The following BDH1 variants were observed in gnomAD, a reference collection of about 807,000 sequenced individuals.
BDH1 encodes the protein 3-hydroxybutyrate dehydrogenase 1.
In BDH1, 30 loss-of-function variants were observed where a neutral mutation model predicts 33.1. The observed-to-expected ratio is 0.91, with a 90% CI of 0.68 to 1.23. BDH1 has a LOEUF of 1.23. Among genes scored for constraint, BDH1 ranks in the 50% most tolerant of loss-of-function variants. The probability of loss-of-function intolerance (pLI) is 0.00; values close to 1 mark genes in which losing one functional copy is unlikely to be tolerated. For synonymous variants in BDH1, 190 were observed against 183.6 expected, an observed-to-expected ratio of 1.03 and a Z score of -0.28; for missense variants, 443 against 464.4, an observed-to-expected ratio of 0.95 and a Z score of 0.42.
In BDH1 at chr3:197,522,394, G is replaced by A. The variant is rs576533298; in HGVS notation, c.409+246C>T. Among the ~76,000 whole-genome samples the A allele has an allele frequency of 2.4e-4, 36 of 152,330 alleles. No individual in the cohort carries two copies. The highest frequency in any genetic ancestry group is 7.5e-4 in the African/African-American group (31 of 41,572). ...CAATGGGCATTGGCTGAACTGACCT[G>A]AATCAGTGCGTAGCCACCTAGCACT... On this transcript the variant is annotated intron_variant, in intron 6 of 7. Coordinates refer to ENST00000392379, the MANE Select transcript of BDH1 (RefSeq NM_203314.3). The surrounding 1 kb of genome is among the most constrained non-coding windows in gnomAD (Gnocchi z 4.8).
intron 6 of BDH1, chr3:197,515,626 T>C (rs1712621102): frequency 2.0e-6 from 2 of 985,434 alleles, no homozygotes; most frequent in Admixed American, 6.1e-5. Flanking sequence ...GCTCAACAAA[T>C]GTGTGTTAGA....
rs747305588 is a variant in BDH1 at position 197,511,866 on chromosome 3, A to G, written c.*29T>C. ...TCCCTCCCCTCCCCTTCCACCAGGG[A>G]TCCCTGACAGAGGCCACAGCGAGAC... On this transcript the variant is annotated 3_prime_UTR_variant, in exon 8 of 8. Transcript: ENST00000392379. 5.2e-6 allele frequency: 8 copies of G among 1,526,782 alleles called. No homozygotes were observed. Among genetic ancestry groups the G allele is most frequent in the South Asian group, 3.9e-5 (3 of 76,990 alleles). The allele number at this position is 1,526,782 out of a possible 1,614,324, so 94.6% of individuals were successfully genotyped here.
rs1199049882 is a variant in BDH1 at position 197,516,659 on chromosome 3, T to A, written c.410-2243A>T. Among the ~76,000 whole-genome samples the A allele has an allele frequency of 1.3e-5, 2 of 152,076 alleles. No individual in the cohort carries two copies. The highest frequency in any genetic ancestry group is 3.8e-4 in the East Asian group (2 of 5,200). On this transcript the variant is annotated intron_variant, in intron 6 of 7. Coordinates refer to ENST00000392379, the MANE Select transcript of BDH1 (RefSeq NM_203314.3). The surrounding 1 kb of genome is among the most constrained non-coding windows in gnomAD (Gnocchi z 4.2). ...CCTGAATGTCCCACGGGTCCCTGAC[T>A]CACCCTAACCACAACCAACACGTCA...
chr3:197,512,655 T>C (rs1560301083), intron 7 of BDH1, among the ~76,000 whole-genome samples: 1 of 152,150 alleles, frequency 6.6e-6, no homozygotes. Context: ...TCAAGCCCGA[T>C]GCGGTGATAA....
chr3:197,532,602 G>A (rs1202036710), intron 4 of BDH1, 80 bp from the exon 5 acceptor site: 1 of 976,902 alleles, frequency 1.0e-6, no homozygotes. Context: ...CCTCTGTGCA[G>A]TGAGAGTTAG....
intron 2 of BDH1, among the ~76,000 whole-genome samples, chr3:197,550,500 G>C (rs1030831919): frequency 2.0e-5 from 3 of 152,210 alleles, no homozygotes; most frequent in Non-Finnish European, 4.4e-5. Context: ...TGCAGCTGCA[G>C]AGACTATGCT....
In BDH1 at chr3:197,522,405, T is replaced by C. The variant is rs1417812289; in HGVS notation, c.409+235A>G. Among the ~76,000 whole-genome samples, 4 of 152,204 alleles carry C rather than the reference T, an allele frequency of 2.6e-5. No individual in the cohort carries two copies. Among genetic ancestry groups the C allele is most frequent in the Non-Finnish European group, 5.9e-5 (4 of 68,036 alleles). On this transcript the variant is annotated intron_variant, in intron 6 of 7. Coordinates refer to ENST00000392379, the MANE Select transcript of BDH1 (RefSeq NM_203314.3). The surrounding 1 kb of genome is among the most constrained non-coding windows in gnomAD (Gnocchi z 4.8). ...GGCTGAACTGACCTGAATCAGTGCGTAGCCACCTAGCACTCCGTGAACTCT... is the reference window on the plus strand; with the variant it reads ...GGCTGAACTGACCTGAATCAGTGCGCAGCCACCTAGCACTCCGTGAACTCT...
chr3:197,530,865 A>G (rs188630088), intron 5 of BDH1: 418 of 152,752 alleles, frequency 2.7e-3, no homozygotes, highest in South Asian at 9.3e-3. Flanking sequence ...TAACATGGGG[A>G]AAAATGAAGG....
chr3:197,516,759 TCCACCCCTCCC>T lies in BDH1; in HGVS notation c.410-2354_410-2344del, dbSNP rs1394726032. Among the ~76,000 whole-genome samples, 2 of 151,994 alleles carry T rather than the reference TCCACCCCTCCC, an allele frequency of 1.3e-5. No individual in the cohort carries two copies. The highest frequency in any genetic ancestry group is 2.9e-5 in the Non-Finnish European group (2 of 67,986). On this transcript the variant is annotated intron_variant, in intron 6 of 7. Transcript: ENST00000392379. This position sits in a 1 kb window ranked among gnomAD's most constrained non-coding sequence, Gnocchi z 4.2. Reference sequence around the variant, plus strand: ...TTTTGTCTGTGACTCCTCCAGCTCCTCCACCCCTCCCCCACCTACTGAGTCACCCAGTACTG... The same window carrying T: ...TTTTGTCTGTGACTCCTCCAGCTCCTCCACCTACTGAGTCACCCAGTACTG...
rs1376143733 is a variant in BDH1 at position 197,526,740 on chromosome 3, C to G, written c.268-3959G>C. 6.6e-6 allele frequency among the ~76,000 whole-genome samples: 1 copy of G among 152,228 alleles called. No homozygotes were observed. The highest frequency in any genetic ancestry group is 1.9e-4 in the East Asian group (1 of 5,204). On this transcript the variant is annotated intron_variant, in intron 5 of 7. Transcript: ENST00000392379. This position sits in a 1 kb window ranked among gnomAD's most constrained non-coding sequence, Gnocchi z 4.7. ...GGTAGAAGGATAGCCCTCTCCCGAC[C>G]AGCTCTCCGTGCTCCGCTCCCAGAC...
At chr3:197,513,224 G>A in intron 7 of BDH1, among the ~76,000 whole-genome samples, 1 of 152,264 alleles carries the variant, frequency 6.6e-6, no homozygotes, top group East Asian at 1.9e-4. Context: ...GAACAGAGGG[G>A]TTGGAAGTGG....
At chr3:197,550,467 C>A (rs1260994495) in intron 2 of BDH1, among the ~76,000 whole-genome samples, 1 of 152,190 alleles carries the variant, frequency 6.6e-6, no homozygotes, top group East Asian at 1.9e-4. Context: ...CAGACCTGCC[C>A]CTCCCTCATA....
intron 1 of BDH1, among the ~76,000 whole-genome samples, chr3:197,569,697 G>A (rs1448430646): frequency 6.6e-6 from 1 of 152,240 alleles, no homozygotes; most frequent in Non-Finnish European, 1.5e-5. Context: ...CTGCCACCAT[G>A]TAAGACGTGC....
upstream of BDH1, among the ~76,000 whole-genome samples, chr3:197,559,312 T>A (rs888068346): frequency 4.6e-5 from 7 of 152,184 alleles, no homozygotes; most frequent in Non-Finnish European, 8.8e-5. Context: ...AACTGAACTT[T>A]AATAATTGGA....
Position 197,533,677 on chromosome 3 carries a change from G to A in BDH1, c.84-116C>T, listed in dbSNP as rs1334340867. 6 of 972,228 alleles carry A rather than the reference G, an allele frequency of 6.2e-6. No homozygotes were observed. In the East Asian group the frequency reaches 1.6e-4, roughly 25 times the overall value. The allele number at this position is 972,228 out of a possible 1,614,324, so 60.2% of individuals were successfully genotyped here. A position where few individuals can be genotyped will look rare whatever the true frequency, so the allele number is the denominator to read the frequency against. ...CCCCGGCTCCTGGAGACAGCTTGCT[G>A]GTACAACTGAGTAAGAGGCCCTCTT... On this transcript the variant is annotated intron_variant, in intron 3 of 7. Coordinates refer to ENST00000392379, the MANE Select transcript of BDH1 (RefSeq NM_203314.3).
chr3:197,519,331 AG>A (rs917773903), intron 6 of BDH1, among the ~76,000 whole-genome samples: 2 of 152,052 alleles, frequency 1.3e-5, no homozygotes, highest in African/African-American at 4.8e-5. Context: ...AGACCCACAC[AG>A]GGGGCAGGTG....
upstream of BDH1, among the ~76,000 whole-genome samples, chr3:197,560,937 T>C (rs966082485): frequency 1.3e-5 from 2 of 152,198 alleles, no homozygotes; most frequent in Non-Finnish European, 2.9e-5. Context: ...CACTTTTGCT[T>C]CAAGTTGTCC....
intron 2 of BDH1, among the ~76,000 whole-genome samples, chr3:197,551,635 G>A (rs1716578914): frequency 6.6e-6 from 1 of 151,914 alleles, no homozygotes; most frequent in South Asian, 2.1e-4. Flanking sequence ...TTTTGTTTTT[G>A]GAGGAACCTA....
chr3:197,514,634 T>G lies in BDH1; in HGVS notation c.410-218A>C, dbSNP rs1445396175. ...CCTCCCTTGCGTCTAGAATGTCCAG[T>G]CCTCACGTCACATCTGCCTGGCTCG... On this transcript the variant is annotated intron_variant, in intron 6 of 7. Coordinates refer to ENST00000392379, the MANE Select transcript of BDH1 (RefSeq NM_203314.3). This position sits in a 1 kb window ranked among gnomAD's most constrained non-coding sequence, Gnocchi z 4.2. Among the ~76,000 whole-genome samples the G allele has an allele frequency of 6.6e-6, 1 of 152,040 alleles. No homozygotes were observed. The highest frequency in any genetic ancestry group is 1.5e-5 in the Non-Finnish European group (1 of 67,972).
Sources: gnomAD v4.1 joint callset for allele counts (sites outside exome capture counted in the v4.1 genomes callset) on GRCh38, gnomAD v4.1.1 for gene constraint, Gnocchi (gnomAD v3.1) non-coding constraint, MANE v1.5 for transcripts, NCBI Gene and HGNC (gene_info 2026-07-23, HGNC 2026-07-21) for gene names.